Variants in KCNIP4 observed in about 807,000 individuals in gnomAD.
KCNIP4 encodes Kv channel-interacting protein 4.
A neutral mutation model predicts 34.0 loss-of-function variants in KCNIP4; 12 were observed. The ratio of observed to expected loss-of-function variants is 0.35; its 90% CI spans 0.23 to 0.57. The LOEUF (loss-of-function observed/expected upper bound fraction) is 0.57, where lower values mean the gene tolerates loss of function less well. KCNIP4 is among the 20% of genes least tolerant of loss of function. The probability of loss-of-function intolerance (pLI) is 0.83; values close to 1 mark genes in which losing one functional copy is unlikely to be tolerated. For missense variants in KCNIP4, 238 were observed against 311.7 expected (o/e 0.76, Z 1.78); for synonymous variants, 124 against 102.2 (o/e 1.21, Z -1.29).
At chr4:21,725,474 A>T (rs574251769) in intron 1 of KCNIP4, among the ~76,000 whole-genome samples, 47 of 152,172 alleles carry the variant, frequency 3.1e-4, no homozygotes, top group Non-Finnish European at 5.7e-4. Context: ...AGAAAAGACA[A>T]GAGACATTCA....
At chr4:21,169,878 A>T (rs955700497) in intron 1 of KCNIP4, among the ~76,000 whole-genome samples, 1 of 152,072 alleles carries the variant, frequency 6.6e-6, no homozygotes, top group African/African-American at 2.4e-5. Context: ...TAACAGAGTT[A>T]TTTCCCATAA....
In KCNIP4 at chr4:21,858,235, C is replaced by T. The variant is rs561406374; in HGVS notation, c.61+90336G>A. Among the ~76,000 whole-genome samples, 10 of 152,314 alleles carry T rather than the reference C, an allele frequency of 6.6e-5. 1 individual carries two copies. Among genetic ancestry groups the T allele is most frequent in the South Asian group, 4.1e-4 (2 of 4,820 alleles). ...AAAACTCAGGCAAAGGCGCCACTGG[C>T]CACAGAAGTTTCCAGCTGGTGAAGT... On this transcript the variant is annotated intron_variant, in intron 1 of 8. Coordinates refer to ENST00000382152, the MANE Select transcript of KCNIP4 (RefSeq NM_025221.6).
intron 1 of KCNIP4, among the ~76,000 whole-genome samples, chr4:21,807,525 G>A (rs748272335): frequency 2.2e-4 from 34 of 152,146 alleles, no homozygotes; most frequent in African/African-American, 4.6e-4. Context: ...ATCAATACAC[G>A]TTAATGGCTA....
chr4:20,917,009 A>T (rs1454375642), intron 1 of KCNIP4, among the ~76,000 whole-genome samples: 2 of 10,950 alleles, frequency 1.8e-4, no homozygotes, highest in Non-Finnish European at 1.7e-4. Flanking sequence ...ATATATATAT[A>T]TATATATATA....
At chr4:21,546,944 A>T (rs1213073823) in intron 1 of KCNIP4, among the ~76,000 whole-genome samples, 2 of 152,164 alleles carry the variant, frequency 1.3e-5, no homozygotes, top group Non-Finnish European at 2.9e-5. Context: ...AAGAGAAGGT[A>T]TGATAATAGG....
intron 1 of KCNIP4, among the ~76,000 whole-genome samples, chr4:21,740,565 T>C (rs1716328032): frequency 6.6e-6 from 1 of 152,078 alleles, no homozygotes; most frequent in Non-Finnish European, 1.5e-5. Flanking sequence ...TGTAAATCCA[T>C]TGAAAAAAAT....
rs749473830 is a variant in KCNIP4 at position 20,991,581 on chromosome 4, A to C, written c.62-108872T>G. Among the ~76,000 whole-genome samples the C allele has an allele frequency of 1.2e-3, 183 of 152,168 alleles. 3 individuals carry two copies. Among genetic ancestry groups the C allele is most frequent in the Non-Finnish European group, 3.4e-4 (23 of 68,036 alleles). ...GGCCAGGGAGACGTGATCTAAAATG[A>C]ATAAAAGAGGGCTCCAGGAAAGGGC... is the stretch of plus-strand genomic sequence containing the variant. On this transcript the variant is annotated intron_variant, in intron 1 of 8. Coordinates refer to ENST00000382152, the MANE Select transcript of KCNIP4 (RefSeq NM_025221.6).
intron 3 of KCNIP4, among the ~76,000 whole-genome samples, chr4:20,765,450 T>C (rs934447232): frequency 6.6e-6 from 1 of 152,196 alleles, no homozygotes; most frequent in Admixed American, 6.5e-5. Context: ...GATTAAAATT[T>C]ATTGTGCATT....
intron 1 of KCNIP4, among the ~76,000 whole-genome samples, chr4:20,886,515 G>A (rs1049968790): frequency 6.6e-6 from 1 of 152,170 alleles, no homozygotes; most frequent in Non-Finnish European, 1.5e-5. Flanking sequence ...GATATCCAAG[G>A]CTTCCCAATG....
chr4:20,898,355 T>C (rs980966411), intron 1 of KCNIP4, among the ~76,000 whole-genome samples: 2 of 152,324 alleles, frequency 1.3e-5, no homozygotes, highest in East Asian at 1.9e-4. Context: ...TTGGAGAACC[T>C]TGGGTAGACA....
At chr4:21,564,004 T>A (rs899746252) in intron 1 of KCNIP4, among the ~76,000 whole-genome samples, 1 of 152,086 alleles carries the variant, frequency 6.6e-6, no homozygotes, top group Non-Finnish European at 1.5e-5. Context: ...AATTAATATA[T>A]CTAAGACATT....
intron 1 of KCNIP4, among the ~76,000 whole-genome samples, chr4:21,663,381 G>A (rs1413667839): frequency 1.3e-5 from 2 of 152,134 alleles, no homozygotes; most frequent in Non-Finnish European, 2.9e-5. Context: ...TGTCCACAAG[G>A]GTAGCTTGGA....
chr4:21,531,339 T>TCCCGTC (rs1736658708), intron 1 of KCNIP4, among the ~76,000 whole-genome samples: 1 of 61,482 alleles, frequency 1.6e-5, no homozygotes, highest in Non-Finnish European at 3.1e-5. Flanking sequence ...CTCCCTCCCT[T>TCCCGTC]CCCCTCCCCC....
chr4:20,839,149 A>G (rs1388324), intron 3 of KCNIP4, among the ~76,000 whole-genome samples: 2,904 of 151,914 alleles, frequency 0.019, 94 homozygotes, highest in African/African-American at 0.066. Context: ...AACTTTTTTT[A>G]GGGAGGTGAC....
chr4:21,739,140 G>A (rs1716228584), intron 1 of KCNIP4, among the ~76,000 whole-genome samples: 1 of 152,028 alleles, frequency 6.6e-6, no homozygotes, highest in Admixed American at 6.6e-5. Context: ...GTAAAATTAG[G>A]TTAAACCTGC....
chr4:21,465,947 A>T (rs2109789486), intron 1 of KCNIP4, among the ~76,000 whole-genome samples: 1 of 152,292 alleles, frequency 6.6e-6, no homozygotes, highest in African/African-American at 2.4e-5. Context: ...GAGCAAGAAC[A>T]CCAAAGAAGT....
chr4:21,696,898 G>T (rs116728053), intron 1 of KCNIP4, among the ~76,000 whole-genome samples: 2 of 151,790 alleles, frequency 1.3e-5, no homozygotes, highest in South Asian at 2.1e-4. Flanking sequence ...ACTCTTTCCC[G>T]GCCAAGCCCT....
chr4:20,731,807 G>C, intron 8 of KCNIP4, 199 bp downstream of exon 8: 1 of 985,376 alleles, frequency 1.0e-6, no homozygotes, highest in Non-Finnish European at 1.2e-6. Context: ...TCCATAGCCT[G>C]ACTCAGTGGG....
chr4:20,739,713 C>A (rs1273286165), intron 5 of KCNIP4, among the ~76,000 whole-genome samples: 1 of 152,092 alleles, frequency 6.6e-6, no homozygotes, highest in African/African-American at 2.4e-5. Flanking sequence ...TCCTCGCCAG[C>A]AATGGAACAA....
Sources: gnomAD v4.1 joint callset for allele counts (sites outside exome capture counted in the v4.1 genomes callset) on GRCh38, gnomAD v4.1.1 for gene constraint, MANE v1.5 for transcripts, NCBI Gene and HGNC (gene_info 2026-07-23, HGNC 2026-07-21) for gene names.